The following CDCA7 variants were observed in gnomAD, a reference collection of about 807,000 sequenced individuals.
The protein encoded by CDCA7 is cell division cycle-associated protein 7.
A neutral mutation model predicts 54.0 loss-of-function variants in CDCA7; 28 were observed. That is an observed-to-expected ratio of 0.52 (90% CI 0.38 to 0.71). The LOEUF is 0.71. Ranked by LOEUF, CDCA7 falls within the 30% of genes least tolerant of loss-of-function variation. The pLI is 0.00. For synonymous variants in CDCA7, 180 were observed against 208.2 expected, an observed-to-expected ratio of 0.86 and a Z score of 1.16; for missense variants, 484 against 586.0, an observed-to-expected ratio of 0.83 and a Z score of 1.80.
intron 8 of CDCA7, 120 bp from the exon 9 acceptor site, chr2:173,367,030 A>G (rs1455715170): frequency 7.4e-7 from 1 of 1,355,882 alleles, no homozygotes; most frequent in African/African-American, 1.5e-5. Flanking sequence ...ATTAGGCATG[A>G]CTAATGCCTA....
intron 1 of CDCA7, among the ~76,000 whole-genome samples, chr2:173,358,068 C>T (rs1405760371): frequency 3.9e-5 from 6 of 151,924 alleles, no homozygotes; most frequent in African/African-American, 1.5e-4. Context: ...GGCGTGGTGG[C>T]GGGCGCCTGT....
intron 1 of CDCA7, among the ~76,000 whole-genome samples, chr2:173,357,217 G>A (rs1168016741): frequency 6.6e-6 from 1 of 152,170 alleles, no homozygotes; most frequent in African/African-American, 2.4e-5. Flanking sequence ...ATACAAGATA[G>A]ATGCCAATTA....
In CDCA7 at chr2:173,364,860, A is replaced by C; in HGVS notation, c.765A>C (p.Arg255Ser). The C allele has an allele frequency of 6.2e-7, 1 of 1,611,292 alleles. No homozygotes were observed. The highest frequency in any genetic ancestry group is 8.5e-7 in the Non-Finnish European group (1 of 1,179,138). Residue 255 changes from arginine (R) to serine (S), a missense_variant, in exon 6 of 10, where the codon AGA becomes AGC. Arg to Ser is a moderately radical substitution (Grantham distance 110). This residue lies in a region of CDCA7 where 398 missense variants were observed against 447.4 expected (regional missense o/e 0.89). Transcript: ENST00000306721. ...CTTCCAGGAGAAACCCTGAACGGAG[A>C]GCTCGTCCTCTTACCAGGTCAAGGT... ...GVASRRNPER[R>S]ARPLTRSRSR...
Position 173,368,765 on chromosome 2 carries a change from TA to T in CDCA7, c.*1102del, listed in dbSNP as rs1686769274. On this transcript the variant is annotated 3_prime_UTR_variant, in exon 10 of 10. Coordinates refer to ENST00000306721, the MANE Select transcript of CDCA7 (RefSeq NM_031942.5). ...AATCTAAGTGTTTGTATGTCCAATT[TA>T]CTTGCATATGTAAACCATTGCTGTG... is the stretch of plus-strand genomic sequence containing the variant. The T allele has an allele frequency of 6.6e-6, 1 of 152,218 alleles. No homozygotes were observed. Among genetic ancestry groups the T allele is most frequent in the African/African-American group, 2.4e-5 (1 of 41,466 alleles). 9.4% of individuals were successfully genotyped at this position (152,218 alleles called of 1,614,324 possible).
Position 173,363,242 on chromosome 2 carries a change from G to C in CDCA7, c.401G>C (p.Arg134Pro), listed in dbSNP as rs775744518. 6.2e-7 allele frequency: 1 copy of C among 1,614,094 alleles called. No individual in the cohort carries two copies. The highest frequency in any genetic ancestry group is 8.5e-7 in the Non-Finnish European group (1 of 1,180,014). Residue 134 changes from arginine to proline, a missense_variant, in exon 4 of 10, where the codon CGG (arginine) becomes CCG (proline). By Grantham distance (103) the Arg-to-Pro change is moderately radical. This residue lies in a region of CDCA7 where 398 missense variants were observed against 447.4 expected (regional missense o/e 0.89). Transcript: ENST00000306721. ...TGTGATTAGAGGCTGCAGTCAGTTC[G>C]GGAAGGCTGTAGGACCCGCAGCCAG... is the stretch of plus-strand genomic sequence containing the variant. ...IQDGMRLQSV[R>P]EGCRTRSQCR...
intron 1 of CDCA7, 58 bp downstream of exon 1, chr2:173,355,042 G>A (rs1686468074): frequency 7.7e-7 from 1 of 1,295,780 alleles, no homozygotes; most frequent in Non-Finnish European, 9.7e-7. Flanking sequence ...GACGCAGGCG[G>A]GCGCGGGCCG....
In CDCA7 at chr2:173,363,241, C is replaced by G; in HGVS notation, c.400C>G (p.Arg134Gly). ...IQDGMRLQSV[R>G]EGCRTRSQCR... ...TTGTGATTAGAGGCTGCAGTCAGTT[C>G]GGGAAGGCTGTAGGACCCGCAGCCA... Residue 134 changes from arginine to glycine, a missense_variant, in exon 4 of 10, where the codon CGG (arginine) becomes GGG (glycine). By Grantham distance (125) the Arg-to-Gly change is moderately radical. This residue lies in a region of CDCA7 where 398 missense variants were observed against 447.4 expected (regional missense o/e 0.89). Coordinates refer to ENST00000306721, the MANE Select transcript of CDCA7 (RefSeq NM_031942.5). 1 of 1,614,030 alleles carries G rather than the reference C, an allele frequency of 6.2e-7. No homozygotes were observed. Among genetic ancestry groups the G allele is most frequent in the South Asian group, 1.1e-5 (1 of 91,058 alleles).
chr2:173,359,070 G>C (rs1052401442), intron 2 of CDCA7, among the ~76,000 whole-genome samples, 185 bp from the exon 3 acceptor site: 1 of 152,158 alleles, frequency 6.6e-6, no homozygotes, highest in Non-Finnish European at 1.5e-5. Context: ...AACCTAACAT[G>C]CATGATGATT....
chr2:173,363,957 T>C, intron 5 of CDCA7, 62 bp downstream of exon 5: 1 of 1,443,706 alleles, frequency 6.9e-7, no homozygotes, highest in Middle Eastern at 1.8e-4. Flanking sequence ...TCGATCTGTG[T>C]TGTATTTAAA....
intron 5 of CDCA7, 69 bp from the exon 6 acceptor site, chr2:173,364,726 T>C: frequency 6.6e-7 from 1 of 1,525,230 alleles, no homozygotes. Context: ...GGAGAAGCTA[T>C]GAATTCCCCA....
At chr2:173,359,587 C>T in intron 3 of CDCA7, 96 bp downstream of exon 3, 1 of 1,105,244 alleles carries the variant, frequency 9.0e-7, no homozygotes, top group Non-Finnish European at 1.3e-6. Flanking sequence ...TGATTTTAGT[C>T]ATGCCAGCAG....
intron 3 of CDCA7, among the ~76,000 whole-genome samples, chr2:173,361,879 T>C (rs1260026972): frequency 1.3e-5 from 2 of 152,082 alleles, no homozygotes; most frequent in African/African-American, 4.8e-5. Flanking sequence ...GTGGTCTCAG[T>C]GATCTCTGCT....
Position 173,366,658 on chromosome 2 carries a change from C to G in CDCA7, c.1185+226C>G, listed in dbSNP as rs1159155960. Among the ~76,000 whole-genome samples, 2 of 152,154 alleles carry G rather than the reference C, an allele frequency of 1.3e-5. No individual in the cohort carries two copies. The highest frequency in any genetic ancestry group is 2.9e-5 in the Non-Finnish European group (2 of 68,028). On this transcript the variant is annotated intron_variant, in intron 8 of 9. Transcript: ENST00000306721. This position sits in a 1 kb window ranked among gnomAD's most constrained non-coding sequence, Gnocchi z 4.5. Reference sequence around the variant, plus strand: ...GGTTCAAGCGATTCTCCTGCCTCAGCCTCCCAAGTAGCTGGGACTACAGGC... The same window carrying G: ...GGTTCAAGCGATTCTCCTGCCTCAGGCTCCCAAGTAGCTGGGACTACAGGC...
intron 1 of CDCA7, chr2:173,358,460 T>G (rs1574214893): frequency 3.8e-6 from 1 of 266,562 alleles, no homozygotes. Flanking sequence ...AGCTCAGGAG[T>G]TCCAGGTTGT....
chr2:173,361,623 T>A (rs1270823066), intron 3 of CDCA7, among the ~76,000 whole-genome samples: 1 of 151,812 alleles, frequency 6.6e-6, no homozygotes, highest in Non-Finnish European at 1.5e-5. Context: ...GCTAATTTTT[T>A]ATATTTTTAG....
intron 3 of CDCA7, among the ~76,000 whole-genome samples, chr2:173,361,679 T>C (rs1202925112): frequency 1.3e-5 from 2 of 152,298 alleles, no homozygotes; most frequent in East Asian, 3.9e-4. Flanking sequence ...CTCGAACTCC[T>C]GACCTCAGGT....
At chr2:173,355,358 C>T (rs1686477171) in intron 1 of CDCA7, among the ~76,000 whole-genome samples, 1 of 152,174 alleles carries the variant, frequency 6.6e-6, no homozygotes, top group Admixed American at 6.5e-5. Flanking sequence ...GAGGTTGTCC[C>T]GCAGCGGCCC....
intron 1 of CDCA7, among the ~76,000 whole-genome samples, chr2:173,356,707 A>AT (rs1482379760): frequency 6.6e-6 from 1 of 152,102 alleles, no homozygotes; most frequent in African/African-American, 2.4e-5. Context: ...GTTTCACCAT[A>AT]TTCCCCACGC....
intron 1 of CDCA7, 106 bp from the exon 2 acceptor site, chr2:173,358,600 AATGGAC>A: frequency 8.5e-7 from 1 of 1,177,920 alleles, no homozygotes; most frequent in Non-Finnish European, 1.2e-6. Flanking sequence ...GGGTATGATA[AATGGAC>A]ATATCTACTC....
Sources: allele counts gnomAD v4.1 joint callset (sites outside exome capture counted in the v4.1 genomes callset), GRCh38; gene constraint gnomAD v4.1.1; regional missense constraint gnomAD v4.1.1; non-coding constraint Gnocchi (gnomAD v3.1); transcripts MANE v1.5; gene names NCBI Gene and HGNC (gene_info 2026-07-23, HGNC 2026-07-21).